GRIK2: variants seen among roughly 807,000 people sequenced by gnomAD.
The protein encoded by GRIK2 is glutamate receptor ionotropic, kainate 2.
A neutral mutation model predicts 100.3 loss-of-function variants in GRIK2; 32 were observed. The ratio of observed to expected loss-of-function variants is 0.32; its 90% CI spans 0.24 to 0.43. GRIK2 has a LOEUF of 0.43. Ranked by LOEUF, GRIK2 falls within the 20% of genes least tolerant of loss-of-function variation. The pLI, the probability that GRIK2 is intolerant of heterozygous loss-of-function variation, is 1.00. For synonymous variants in GRIK2, 417 were observed against 389.4 expected, an observed-to-expected ratio of 1.07 and a Z score of -0.83; for missense variants, 843 against 1,114.9, an observed-to-expected ratio of 0.76 and a Z score of 3.47.
At chr6:101,546,786 G>A (rs1425551739) in intron 2 of GRIK2, among the ~76,000 whole-genome samples, 1 of 149,230 alleles carries the variant, frequency 6.7e-6, no homozygotes, top group Non-Finnish European at 1.5e-5. Context: ...TTATACACTG[G>A]CCTGTTTTCC....
chr6:101,607,161 T>C (rs1779472635), intron 2 of GRIK2, among the ~76,000 whole-genome samples: 1 of 151,990 alleles, frequency 6.6e-6, no homozygotes, highest in Non-Finnish European at 1.5e-5. Context: ...AGAAATCCAT[T>C]CTTGAAAGTT....
At chr6:101,984,614 AAC>A (rs10678285) in intron 14 of GRIK2, among the ~76,000 whole-genome samples, 2,408 of 129,222 alleles carry the variant, frequency 0.019, 60 homozygotes, top group Middle Eastern at 0.061. Flanking sequence ...TACACATTAA[AAC>A]ACACACACAC....
At chr6:101,914,559 G>C (rs1423105526) in intron 12 of GRIK2, among the ~76,000 whole-genome samples, 1 of 151,450 alleles carries the variant, frequency 6.6e-6, no homozygotes, top group Non-Finnish European at 1.5e-5. Flanking sequence ...TATAGTCCTT[G>C]CAATGTGGGA....
chr6:101,764,144 A>G (rs897793554), intron 7 of GRIK2, among the ~76,000 whole-genome samples: 5 of 152,070 alleles, frequency 3.3e-5, no homozygotes, highest in Non-Finnish European at 7.4e-5. Flanking sequence ...AGAGAATCTC[A>G]GGGCTATCTT....
chr6:101,770,518 T>G (rs1331079864), intron 7 of GRIK2, among the ~76,000 whole-genome samples: 1 of 152,204 alleles, frequency 6.6e-6, no homozygotes, highest in Non-Finnish European at 1.5e-5. Context: ...TGGTTGGTGA[T>G]TTATAATTGG....
intron 10 of GRIK2, among the ~76,000 whole-genome samples, chr6:101,852,957 G>A (rs1178152545): frequency 6.6e-6 from 1 of 152,138 alleles, no homozygotes; most frequent in East Asian, 1.9e-4. Context: ...GGGGAATAAA[G>A]TTTATATGTG....
intron 7 of GRIK2, among the ~76,000 whole-genome samples, chr6:101,774,620 A>G (rs986046410): frequency 1.4e-4 from 22 of 152,298 alleles, no homozygotes; most frequent in African/African-American, 5.3e-4. Flanking sequence ...TTAATTAGGT[A>G]AGAATAATTA....
intron 14 of GRIK2, among the ~76,000 whole-genome samples, chr6:101,974,686 CA>C (rs1409088395): frequency 6.6e-6 from 1 of 151,924 alleles, no homozygotes; most frequent in Non-Finnish European, 1.5e-5. Flanking sequence ...TCATCAAGGA[CA>C]ATCTCCTTTA....
chr6:101,925,653 A>C (rs1389602580), intron 13 of GRIK2, among the ~76,000 whole-genome samples: 2 of 152,002 alleles, frequency 1.3e-5, no homozygotes, highest in Non-Finnish European at 2.9e-5. Flanking sequence ...TAAAGGAAGA[A>C]AAAAAAACAT....
chr6:101,477,961 T>C (rs1772330335), intron 2 of GRIK2, among the ~76,000 whole-genome samples: 1 of 152,164 alleles, frequency 6.6e-6, no homozygotes, highest in African/African-American at 2.4e-5. Context: ...GCCTTTAAGC[T>C]GAAACATATA....
At chr6:101,702,459 G>C (rs1015003942) in intron 7 of GRIK2, among the ~76,000 whole-genome samples, 1 of 151,818 alleles carries the variant, frequency 6.6e-6, no homozygotes, top group African/African-American at 2.4e-5. Flanking sequence ...GATTACTTTG[G>C]AAAATTATTT....
intron 10 of GRIK2, among the ~76,000 whole-genome samples, chr6:101,825,782 C>T (rs963894931): frequency 2.6e-5 from 4 of 151,966 alleles, no homozygotes; most frequent in Non-Finnish European, 5.9e-5. Flanking sequence ...TCAGCTCAGC[C>T]ACTAGCAAAA....
intron 9 of GRIK2, among the ~76,000 whole-genome samples, chr6:101,804,343 T>C (rs542228497): frequency 6.6e-6 from 1 of 152,076 alleles, no homozygotes; most frequent in East Asian, 1.9e-4. Context: ...TCCAAGATAT[T>C]TGCAGGGTAT....
At chr6:101,952,633 C>T (rs1791670367) in intron 14 of GRIK2, among the ~76,000 whole-genome samples, 1 of 150,312 alleles carries the variant, frequency 6.7e-6, no homozygotes, top group Admixed American at 6.6e-5. Context: ...GGCGGAGTCT[C>T]GCTCCATCTC....
chr6:101,645,504 A>C (rs1241443695), intron 4 of GRIK2, among the ~76,000 whole-genome samples: 1 of 151,910 alleles, frequency 6.6e-6, no homozygotes, highest in Non-Finnish European at 1.5e-5. Flanking sequence ...TAAAGATGGG[A>C]GAGGCCGTTT....
intron 5 of GRIK2, among the ~76,000 whole-genome samples, chr6:101,677,623 A>G (rs556499678): frequency 1.3e-5 from 2 of 152,254 alleles, no homozygotes; most frequent in Non-Finnish European, 2.9e-5. Context: ...ACTATGTAGT[A>G]GAGCCTGGAT....
At chr6:101,805,976 A>G (rs1272148818) in intron 9 of GRIK2, among the ~76,000 whole-genome samples, 1 of 151,974 alleles carries the variant, frequency 6.6e-6, no homozygotes, top group Non-Finnish European at 1.5e-5. Context: ...GATGGTGTCC[A>G]TAGATCAAAT....
chr6:101,625,451 T>A (rs1780387547), intron 3 of GRIK2, among the ~76,000 whole-genome samples: 1 of 151,724 alleles, frequency 6.6e-6, no homozygotes, highest in African/African-American at 2.4e-5. Flanking sequence ...GGGAAGCTTC[T>A]ATTTTTTTTC....
chr6:102,066,412 T>C (rs548528156), intron 16 of GRIK2, among the ~76,000 whole-genome samples: 2 of 151,706 alleles, frequency 1.3e-5, no homozygotes, highest in East Asian at 3.9e-4. Context: ...CATAGAGCAC[T>C]GGCAGGCCAG....
Sources: gnomAD v4.1 joint callset for allele counts (sites outside exome capture counted in the v4.1 genomes callset) on GRCh38, gnomAD v4.1.1 for gene constraint, MANE v1.5 for transcripts, NCBI Gene and HGNC (gene_info 2026-07-23, HGNC 2026-07-21) for gene names.